RPS6KC1: variants seen among roughly 807,000 people sequenced by gnomAD.
RPS6KC1 encodes the protein ribosomal protein S6 kinase C1.
RPS6KC1 carries 54 observed loss-of-function variants against 103.8 expected under a neutral mutation model. The ratio of observed to expected loss-of-function variants is 0.52; its 90% CI spans 0.42 to 0.65. The LOEUF is 0.65. Ranked by LOEUF, RPS6KC1 falls within the 30% of genes least tolerant of loss-of-function variation. The pLI, the probability that RPS6KC1 is intolerant of heterozygous loss-of-function variation, is 0.00. For missense variants in RPS6KC1, 1,151 were observed against 1,253.8 expected, an observed-to-expected ratio of 0.92 and a Z score of 1.24; for synonymous variants, 439 against 438.7, an observed-to-expected ratio of 1.00 and a Z score of -0.01.
the RPS6KC1 span, among the ~76,000 whole-genome samples, chr1:213,554,033 C>T: frequency 6.6e-6 from 1 of 151,980 alleles, no homozygotes; most frequent in African/African-American, 2.4e-5. Context: ...TTTAATTAGG[C>T]CCCACCTGTT....
At chr1:213,605,517 G>A in the RPS6KC1 span, among the ~76,000 whole-genome samples, 216 of 152,274 alleles carry the variant, frequency 1.4e-3, no homozygotes, top group African/African-American at 4.9e-3. Flanking sequence ...AGACTTAAAC[G>A]ACCCCACTGA....
At chr1:213,153,710 CCTTTT>C (rs1394364652) in intron 6 of RPS6KC1, among the ~76,000 whole-genome samples, 1 of 152,104 alleles carries the variant, frequency 6.6e-6, no homozygotes, top group African/African-American at 2.4e-5. Context: ...TCATTAATGT[CCTTTT>C]CTTTCTGATT....
At chr1:213,383,419 C>T in the RPS6KC1 span, among the ~76,000 whole-genome samples, 786 of 152,326 alleles carry the variant, frequency 5.2e-3, 2 homozygotes, top group Non-Finnish European at 8.4e-3. Context: ...ACATGACCTG[C>T]GTGAGGCCCT....
chr1:213,708,061 T>C, the RPS6KC1 span, among the ~76,000 whole-genome samples: 1 of 152,230 alleles, frequency 6.6e-6, no homozygotes, highest in Non-Finnish European at 1.5e-5. Context: ...TAAAGTAGTT[T>C]TTCCAATTCT....
intron 4 of RPS6KC1, among the ~76,000 whole-genome samples, chr1:213,115,853 T>C (rs185645078): frequency 6.6e-6 from 1 of 152,336 alleles, no homozygotes; most frequent in African/African-American, 2.4e-5. Flanking sequence ...TTCCATGTAG[T>C]TGAGTGGTTT....
At chr1:213,621,167 A>C in the RPS6KC1 span, among the ~76,000 whole-genome samples, 1 of 152,194 alleles carries the variant, frequency 6.6e-6, no homozygotes, top group Non-Finnish European at 1.5e-5. Context: ...AGGATTATTT[A>C]CTGTGTTTGC....
At chr1:213,606,727 G>A in the RPS6KC1 span, among the ~76,000 whole-genome samples, 1 of 152,186 alleles carries the variant, frequency 6.6e-6, no homozygotes, top group African/African-American at 2.4e-5. Flanking sequence ...ATGCCCCCTG[G>A]AGATGCCCAA....
the RPS6KC1 span, among the ~76,000 whole-genome samples, chr1:213,322,911 CTTTTTTTT>C: frequency 1.9e-4 from 7 of 36,604 alleles, no homozygotes; most frequent in South Asian, 2.2e-3. Context: ...CCATGCCCAG[CTTTTTTTT>C]TTTTTTTTTT....
the RPS6KC1 span, among the ~76,000 whole-genome samples, chr1:213,750,400 A>T: frequency 2.0e-5 from 3 of 152,192 alleles, no homozygotes; most frequent in African/African-American, 7.2e-5. Flanking sequence ...TTCTTGATAG[A>T]CATCTTTATC....
At chr1:213,205,425 G>T in intron 8 of RPS6KC1, 1 of 969,208 alleles carries the variant, frequency 1.0e-6, no homozygotes, top group Non-Finnish European at 1.2e-6. Context: ...CTATGATGTG[G>T]ATGGTGGGAA....
At chr1:213,824,644 A>T in the RPS6KC1 span, among the ~76,000 whole-genome samples, 1 of 152,162 alleles carries the variant, frequency 6.6e-6, no homozygotes, top group Non-Finnish European at 1.5e-5. Context: ...CGTGATAGTG[A>T]ATAAGTCTCA....
the RPS6KC1 span, among the ~76,000 whole-genome samples, chr1:213,329,020 C>A: frequency 6.6e-6 from 1 of 152,170 alleles, no homozygotes; most frequent in African/African-American, 2.4e-5. Flanking sequence ...GGGCGTGGTG[C>A]TGGTGGTACC....
chr1:213,342,934 G>A, the RPS6KC1 span, among the ~76,000 whole-genome samples: 10 of 152,200 alleles, frequency 6.6e-5, no homozygotes, highest in African/African-American at 2.2e-4. Context: ...GATTTCTTGA[G>A]CTCAGGAGTT....
the RPS6KC1 span, among the ~76,000 whole-genome samples, chr1:213,444,644 C>T: frequency 6.7e-6 from 1 of 148,718 alleles, no homozygotes; most frequent in Non-Finnish European, 1.5e-5. Flanking sequence ...GTAATTCCAG[C>T]TACTTGGGAG....
the RPS6KC1 span, among the ~76,000 whole-genome samples, chr1:213,431,105 A>C: frequency 6.6e-6 from 1 of 152,160 alleles, no homozygotes; most frequent in South Asian, 2.1e-4. Context: ...GTGTGGCTGC[A>C]ATTATTTCTT....
Position 213,241,918 on chromosome 1 carries a change from A to G in RPS6KC1, c.2442A>G (p.Thr814=). 2 of 1,614,074 alleles carry G rather than the reference A, an allele frequency of 1.2e-6. No individual in the cohort carries two copies. Among genetic ancestry groups the G allele is most frequent in the Non-Finnish European group, 1.7e-6 (2 of 1,179,962 alleles). ...VVESAVTANN[T]EESLFRICSP... ...AGTCAGCAGTAACTGCAAACAACAC[A>G]GAAGAAAGCTTATTCCGTATTTGTA... is the stretch of plus-strand genomic sequence containing the variant. The change falls in exon 11 of 15, where the codon ACA becomes ACG. Residue 814 remains threonine (T), a synonymous_variant. Coordinates refer to ENST00000366960, the MANE Select transcript of RPS6KC1 (RefSeq NM_012424.6).
At chr1:213,436,561 T>C in the RPS6KC1 span, among the ~76,000 whole-genome samples, 1 of 152,208 alleles carries the variant, frequency 6.6e-6, no homozygotes, top group Non-Finnish European at 1.5e-5. Context: ...TCTGGGATAT[T>C]GATTGGAATG....
the RPS6KC1 span, among the ~76,000 whole-genome samples, chr1:213,282,896 A>G: frequency 1.2e-4 from 18 of 152,286 alleles, no homozygotes; most frequent in South Asian, 3.5e-3. Flanking sequence ...TTTCTATACA[A>G]CCTGTACAAT....
At chr1:213,590,838 G>A in the RPS6KC1 span, among the ~76,000 whole-genome samples, 1 of 152,174 alleles carries the variant, frequency 6.6e-6, no homozygotes, top group Admixed American at 6.5e-5. Context: ...TGTCCACACA[G>A]TCTACTCCTT....
Sources: allele counts gnomAD v4.1 joint callset (sites outside exome capture counted in the v4.1 genomes callset), GRCh38; gene constraint gnomAD v4.1.1; transcripts MANE v1.5; gene names NCBI Gene and HGNC (gene_info 2026-07-23, HGNC 2026-07-21).